Variants in THRAP3 observed in about 807,000 individuals in gnomAD.
THRAP3 encodes the protein thyroid hormone receptor associated protein 3, also known as thyroid hormone receptor-associated protein 3.
A neutral mutation model predicts 101.0 loss-of-function variants in THRAP3; 16 were observed. The observed-to-expected ratio is 0.16, with a 90% confidence interval of 0.11 to 0.24. THRAP3 has a LOEUF of 0.24. THRAP3 is among the 10% of genes least tolerant of loss of function. The pLI is 1.00. For synonymous variants in THRAP3, 407 were observed against 422.6 expected (o/e 0.96, Z 0.45); for missense variants, 989 against 1,202.7 (o/e 0.82, Z 2.63).
the THRAP3 span, among the ~76,000 whole-genome samples, chr1:36,212,038 C>T: frequency 6.6e-6 from 1 of 152,180 alleles, no homozygotes; most frequent in Non-Finnish European, 1.5e-5. Flanking sequence ...TCCATAGGTG[C>T]TGCTAATGTC....
chr1:36,283,413 T>A (rs1466975047), intron 3 of THRAP3, among the ~76,000 whole-genome samples: 1 of 152,238 alleles, frequency 6.6e-6, no homozygotes, highest in Non-Finnish European at 1.5e-5. Context: ...GAGTTGGATT[T>A]TTCATTCTTT....
At chr1:36,247,646 G>A (rs1032087445) in intron 1 of THRAP3, among the ~76,000 whole-genome samples, 1 of 152,048 alleles carries the variant, frequency 6.6e-6, no homozygotes, top group African/African-American at 2.4e-5. Context: ...ACTTTTAATT[G>A]TCAAGTATGA....
chr1:36,231,173 C>T (rs55661714), intron 1 of THRAP3, among the ~76,000 whole-genome samples: 12,810 of 151,810 alleles, frequency 0.084, 761 homozygotes, highest in Middle Eastern at 0.23. Flanking sequence ...TGTCTTGGTA[C>T]CTTATATCCT....
the THRAP3 span, among the ~76,000 whole-genome samples, chr1:36,208,177 G>A: frequency 6.6e-6 from 1 of 152,168 alleles, no homozygotes; most frequent in Non-Finnish European, 1.5e-5. Flanking sequence ...CTGCCCATGT[G>A]AGCACCCAAA....
chr1:36,231,199 TAAAAA>T lies in THRAP3; in HGVS notation c.-135+6701_-135+6705del, dbSNP rs200254604. Reference sequence around the variant, plus strand: ...CTTATATCCTTCGTTTGTTTCTTCTTAAAAAAAAAAAGATTTTAGGCAGCTTTGAA... The same window carrying T: ...CTTATATCCTTCGTTTGTTTCTTCTTAAAAAAGATTTTAGGCAGCTTTGAA... On this transcript the variant is annotated intron_variant, in intron 1 of 11. Coordinates refer to ENST00000354618, the MANE Select transcript of THRAP3 (RefSeq NM_005119.4). Among the ~76,000 whole-genome samples, 3 of 147,286 alleles carry T rather than the reference TAAAAA, an allele frequency of 2.0e-5. No homozygotes were observed. The East Asian group carries it at 5.9e-4, about 29-fold the overall frequency.
chr1:36,232,858 T>A (rs1161761813), intron 1 of THRAP3, among the ~76,000 whole-genome samples: 1 of 148,774 alleles, frequency 6.7e-6, no homozygotes, highest in Non-Finnish European at 1.5e-5. Context: ...GTATGTTTTG[T>A]CAAAACTCAT....
chr1:36,291,449 T>G lies in THRAP3; in HGVS notation c.1821T>G (p.Phe607Leu), dbSNP rs1354475634. The G allele has an allele frequency of 1.9e-6, 3 of 1,614,110 alleles. No individual in the cohort carries two copies. The highest frequency in any genetic ancestry group is 1.3e-5 in the African/African-American group (1 of 74,928). Residue 607 changes from phenylalanine to leucine, a missense_variant, in exon 6 of 12, where the codon TTT (phenylalanine) becomes TTG (leucine). Physicochemically the swap from Phe to Leu is conservative, Grantham distance 22. Coordinates refer to ENST00000354618, the MANE Select transcript of THRAP3 (RefSeq NM_005119.4). ...LVHSNKKEQE[F>L]RSIFQHIQSA... ...ATAGCAACAAAAAGGAACAGGAGTT[T>G]CGTTCCATTTTCCAGCACATACAAT...
chr1:36,234,209 T>G (rs888803368), intron 1 of THRAP3, among the ~76,000 whole-genome samples: 1 of 152,162 alleles, frequency 6.6e-6, no homozygotes, highest in Non-Finnish European at 1.5e-5. Context: ...GTCCTGAGAT[T>G]ACAGATGTGA....
rs527791137 is a variant in THRAP3, at chr1:36,259,034, A to G, written c.-134-348A>G. ...AATTCATTTTAATATACTTCTGTTC[A>G]TTGCTTTCTTATTTTAAACATCTGA... is the stretch of plus-strand genomic sequence containing the variant. On this transcript the variant is annotated intron_variant, in intron 1 of 11. Coordinates refer to ENST00000354618, the MANE Select transcript of THRAP3 (RefSeq NM_005119.4). Among the ~76,000 whole-genome samples, 4 of 152,280 alleles carry G rather than the reference A, an allele frequency of 2.6e-5. No homozygotes were observed. The South Asian group carries it at 6.2e-4, about 24-fold the overall frequency.
At chr1:36,287,663 C>G (rs1213563750) in intron 4 of THRAP3, 8 of 985,428 alleles carry the variant, frequency 8.1e-6, no homozygotes, top group Non-Finnish European at 9.6e-6. Flanking sequence ...CTACTATGTT[C>G]GATCTGCATC....
Position 36,296,076 on chromosome 1 carries a change from C to T in THRAP3, c.2116-507C>T, listed in dbSNP as rs573032394. On this transcript the variant is annotated intron_variant, in intron 8 of 11. Transcript: ENST00000354618. Reference sequence around the variant, plus strand: ...GCAACCTCCACCTCCTGGGTTTAAGCGATTCTTCTGCTTTAGCCTCCCTAG... The same window carrying T: ...GCAACCTCCACCTCCTGGGTTTAAGTGATTCTTCTGCTTTAGCCTCCCTAG... Among the ~76,000 whole-genome samples, 4 of 142,316 alleles carry T rather than the reference C, an allele frequency of 2.8e-5. No homozygotes were observed. The South Asian group carries it at 6.6e-4, about 23-fold the overall frequency. The allele number at this position is 142,316 out of a possible 152,430, so 93.4% of individuals were successfully genotyped here. A position where few individuals can be genotyped will look rare whatever the true frequency, so the allele number is the denominator to read the frequency against.
At chr1:36,234,877 C>T (rs1291705065) in intron 1 of THRAP3, among the ~76,000 whole-genome samples, 1 of 144,276 alleles carries the variant, frequency 6.9e-6, no homozygotes, top group African/African-American at 2.6e-5. Flanking sequence ...TGCAGTGGCA[C>T]GATCTTGGCT....
the THRAP3 span, among the ~76,000 whole-genome samples, chr1:36,215,179 G>A: frequency 6.7e-6 from 1 of 149,560 alleles, no homozygotes; most frequent in South Asian, 2.1e-4. Context: ...AGCCGAGACT[G>A]CGCCACTGCA....
intron 2 of THRAP3, 138 bp from the exon 3 acceptor site, chr1:36,282,395 A>ATTTTTTTTTTT: frequency 1.7e-6 from 1 of 598,426 alleles, no homozygotes. Context: ...ATTAAAAAAA[A>ATTTTTTTTTTT]ATTTTTTTTT....
intron 1 of THRAP3, among the ~76,000 whole-genome samples, chr1:36,236,197 G>A (rs1448019021): frequency 1.3e-5 from 2 of 150,826 alleles, no homozygotes; most frequent in Non-Finnish European, 2.9e-5. Context: ...TCCAGCCTGG[G>A]TGACACAGCG....
At chr1:36,283,456 A>G (rs1247242285) in intron 3 of THRAP3, among the ~76,000 whole-genome samples, 5 of 152,208 alleles carry the variant, frequency 3.3e-5, no homozygotes, top group Admixed American at 1.3e-4. Flanking sequence ...GTGGATAGAT[A>G]AGAAGCTTTC....
rs1319361205 is a variant in THRAP3 at position 36,303,825 on chromosome 1, C to T, written c.2676C>T (p.Asp892=). The T allele has an allele frequency of 6.2e-7, 1 of 1,614,132 alleles. No individual in the cohort carries two copies. The highest frequency in any genetic ancestry group is 8.5e-7 in the Non-Finnish European group (1 of 1,180,014). Residue 892 remains aspartate, a synonymous_variant, in exon 12 of 12, where the codon GAC becomes GAT. Coordinates refer to ENST00000354618, the MANE Select transcript of THRAP3 (RefSeq NM_005119.4). The stretch of plus-strand genomic sequence containing the variant: ...ATGACCGTGAAGGCGAAGGCAGTGA[C>T]AAGTGGGTGAGCCGGGGCCGGGGCC... The part of the protein sequence containing the change: ...LHDDREGEGS[D]KWVSRGRGRG...
At chr1:36,219,500 C>G (rs748762212), upstream of THRAP3, among the ~76,000 whole-genome samples, 76 of 152,142 alleles carry the variant, frequency 5.0e-4, no homozygotes, top group African/African-American at 9.7e-5. Flanking sequence ...TCTCGGCTCA[C>G]TGTAACCTCT....
At chr1:36,242,064 C>G (rs540033175) in intron 1 of THRAP3, 41 of 174,476 alleles carry the variant, frequency 2.3e-4, no homozygotes, top group African/African-American at 9.2e-4. Flanking sequence ...ATTAATTTTT[C>G]CATTCATAAT....
Sources: gnomAD v4.1 joint callset for allele counts (sites outside exome capture counted in the v4.1 genomes callset) on GRCh38, gnomAD v4.1.1 for gene constraint, MANE v1.5 for transcripts, NCBI Gene and HGNC (gene_info 2026-07-23, HGNC 2026-07-21) for gene names.